The following PYY variants were observed in gnomAD, a reference collection of about 807,000 sequenced individuals.
PYY encodes peptide YY.
In PYY, 12 loss-of-function variants were observed where a neutral mutation model predicts 10.3. That is an observed-to-expected ratio of 1.17 (90% CI 0.75 to 1.89). The LOEUF (loss-of-function observed/expected upper bound fraction) is 1.89. Among genes scored for constraint, PYY ranks in the 40% most tolerant of loss-of-function variants. PYY has a pLI of 0.00. For synonymous variants in PYY, 66 were observed against 62.0 expected, an observed-to-expected ratio of 1.06 and a Z score of -0.30; for missense variants, 141 against 134.0, an observed-to-expected ratio of 1.05 and a Z score of -0.26.
chr17:43,994,621 G>A (rs936360415), intron 1 of PYY, among the ~76,000 whole-genome samples: 1 of 152,128 alleles, frequency 6.6e-6, no homozygotes, highest in African/African-American at 2.4e-5. Flanking sequence ...CCCCATTAAC[G>A]TGTCCCGCCC....
Position 43,996,982 on chromosome 17 carries a change from C to T in PYY, c.-463+7409G>A, listed in dbSNP as rs558628566. ...GGGATTACAGGTATGAGCCACTGCA[C>T]GTGGCCTAATTTTTTACAGTTTCTT... On this transcript the variant is annotated intron_variant, in intron 1 of 6. Coordinates refer to the PYY transcript ENST00000360085. Among the ~76,000 whole-genome samples the T allele has an allele frequency of 3.3e-5, 5 of 152,236 alleles. No individual in the cohort carries two copies. In the East Asian group the frequency reaches 9.7e-4, roughly 29 times the overall value.
At chr17:43,979,754 TG>T (rs573027641) in intron 1 of PYY, among the ~76,000 whole-genome samples, 1 of 102,386 alleles carries the variant, frequency 9.8e-6, no homozygotes, top group South Asian at 3.2e-4. Context: ...GGGGGAGAAA[TG>T]GGTGTGGGGG....
At chr17:43,969,975 C>T (rs2048780021) in intron 1 of PYY, among the ~76,000 whole-genome samples, 1 of 151,682 alleles carries the variant, frequency 6.6e-6, no homozygotes, top group African/African-American at 2.4e-5. Context: ...AACTCCTGAC[C>T]TCATGATACA....
intron 1 of PYY, among the ~76,000 whole-genome samples, chr17:43,998,193 C>T (rs2049003370): frequency 6.6e-6 from 1 of 151,740 alleles, no homozygotes; most frequent in African/African-American, 2.4e-5. Context: ...CCCACTTTGG[C>T]CTCCCAAAGT....
In PYY at chr17:44,000,313, T is replaced by C. The variant is rs147690053; in HGVS notation, c.-463+4078A>G. Among the ~76,000 whole-genome samples, 5 of 152,292 alleles carry C rather than the reference T, an allele frequency of 3.3e-5. No individual in the cohort carries two copies. The East Asian group carries it at 9.6e-4, about 29-fold the overall frequency. ...GGATTTGATCAGGGTTTCTGTCACA[T>C]GAGCATGACAAAGCCGGAGGACTGC... On this transcript the variant is annotated intron_variant, in intron 1 of 6. Transcript: ENST00000360085.
intron 2 of PYY, among the ~76,000 whole-genome samples, chr17:43,959,822 C>A (rs1216204887): frequency 6.6e-6 from 1 of 152,266 alleles, no homozygotes; most frequent in African/African-American, 2.4e-5. Flanking sequence ...CTGTTTGAAT[C>A]CAAAACTTTT....
chr17:43,975,473 C>T (rs1197165931), intron 1 of PYY, among the ~76,000 whole-genome samples: 2 of 151,752 alleles, frequency 1.3e-5, no homozygotes, highest in African/African-American at 2.4e-5. Context: ...TTTGAGAGGC[C>T]AAGTTGGGCG....
At chr17:43,976,289 G>GTATACATATACGTATATACACA (rs2048843066) in intron 1 of PYY, among the ~76,000 whole-genome samples, 3 of 25,018 alleles carry the variant, frequency 1.2e-4, no homozygotes, top group African/African-American at 6.9e-4. Flanking sequence ...ATACGCATAT[G>GTATACATATACGTATATACACA]TATACATGTA....
intron 1 of PYY, among the ~76,000 whole-genome samples, chr17:43,979,199 G>A (rs1280728928): frequency 2.0e-5 from 3 of 152,310 alleles, no homozygotes; most frequent in Non-Finnish European, 4.4e-5. Flanking sequence ...ATCACTTGGC[G>A]GCTAATTAGA....
At chr17:43,978,658 C>G (rs382499) in intron 1 of PYY, among the ~76,000 whole-genome samples, 1 of 152,326 alleles carries the variant, frequency 6.6e-6, no homozygotes, top group Non-Finnish European at 1.5e-5. Flanking sequence ...CAGTTTGGGT[C>G]TGTACCTCAG....
At chr17:43,989,375 AAAACAAAC>A (rs1218027538) in intron 1 of PYY, among the ~76,000 whole-genome samples, 1 of 151,582 alleles carries the variant, frequency 6.6e-6, no homozygotes, top group Non-Finnish European at 1.5e-5. Flanking sequence ...CTCCGTCTCA[AAAACAAAC>A]AAACAAACAA....
At chr17:43,955,145 G>A (rs574408662), upstream of PYY, among the ~76,000 whole-genome samples, 1 of 152,330 alleles carries the variant, frequency 6.6e-6, no homozygotes, top group East Asian at 1.9e-4. Context: ...ACTCTGAGAG[G>A]CGGAGTAGGG....
At position 43,974,319 on chromosome 17, in the gene PYY, C is replaced by T. The variant is rs549395752; in HGVS notation, c.-462-7787G>A. 2.6e-5 allele frequency among the ~76,000 whole-genome samples: 4 copies of T among 151,908 alleles called. No homozygotes were observed. The East Asian group carries it at 5.8e-4, about 22-fold the overall frequency. ...CAGACCGTCCTGCACAAACTGCCCC[C>T]TTTACTAGTAGAGGGTGGGGTGGAA... On this transcript the variant is annotated intron_variant, in intron 1 of 6. Coordinates refer to the PYY transcript ENST00000360085.
At chr17:43,966,796 C>G (rs193083320) in intron 1 of PYY, among the ~76,000 whole-genome samples, 12 of 152,260 alleles carry the variant, frequency 7.9e-5, no homozygotes, top group African/African-American at 2.6e-4. Flanking sequence ...TGATATATCC[C>G]CAGTGACTAG....
intron 2 of PYY, among the ~76,000 whole-genome samples, chr17:43,965,651 G>A (rs892214379): frequency 6.6e-6 from 1 of 151,174 alleles, no homozygotes; most frequent in African/African-American, 2.4e-5. Context: ...TGCCAGGCAT[G>A]GTGGTGTGTG....
chr17:43,976,244 T>C (rs111219111), intron 1 of PYY, among the ~76,000 whole-genome samples: 1,446 of 109,730 alleles, frequency 0.013, 237 homozygotes, highest in African/African-American at 0.046. Flanking sequence ...TGCGTATATA[T>C]ACACATATGT....
At chr17:43,994,799 G>A (rs999256770) in intron 1 of PYY, among the ~76,000 whole-genome samples, 10 of 152,240 alleles carry the variant, frequency 6.6e-5, no homozygotes, top group African/African-American at 2.4e-4. Context: ...AAGGGTTGGG[G>A]TCTCGGGATC....
intron 1 of PYY, among the ~76,000 whole-genome samples, chr17:43,989,121 T>C (rs9747581): frequency 0.012 from 1,823 of 151,760 alleles, 43 homozygotes; most frequent in African/African-American, 0.041. Context: ...ACGCCTGTAA[T>C]CCCAAGACTT....
At chr17:43,991,848 C>T (rs1162619897) in intron 1 of PYY, among the ~76,000 whole-genome samples, 4 of 151,150 alleles carry the variant, frequency 2.6e-5, no homozygotes, top group Admixed American at 1.3e-4. Flanking sequence ...AGGCCGGGCG[C>T]GGTGGCTCAC....
Sources: allele counts gnomAD v4.1 joint callset (sites outside exome capture counted in the v4.1 genomes callset), GRCh38; gene constraint gnomAD v4.1.1; transcripts MANE v1.5; gene names NCBI Gene and HGNC (gene_info 2026-07-23, HGNC 2026-07-21).